The following PPFIA4 variants were observed in gnomAD, a reference collection of about 807,000 sequenced individuals.
The protein encoded by PPFIA4 is liprin-alpha-4.
Under a neutral mutation model 145.7 loss-of-function variants are expected in PPFIA4, and 98 were observed. The observed-to-expected ratio is 0.67, with a 90% CI of 0.57 to 0.80. The LOEUF is 0.80. Among genes scored for constraint, PPFIA4 ranks in the 30% least tolerant of loss-of-function variants. The probability of loss-of-function intolerance (pLI) is 0.00; values close to 1 mark genes in which losing one functional copy is unlikely to be tolerated. For synonymous variants in PPFIA4, 628 were observed against 649.6 expected, an observed-to-expected ratio of 0.97 and a Z score of 0.51; for missense variants, 1,457 against 1,632.7, an observed-to-expected ratio of 0.89 and a Z score of 1.85.
At chr1:203,050,745 G>A (rs1320662440) in intron 13 of PPFIA4, among the ~76,000 whole-genome samples, 2 of 152,148 alleles carry the variant, frequency 1.3e-5, no homozygotes, top group Non-Finnish European at 2.9e-5. Flanking sequence ...ATATGGGTAT[G>A]AAGGGAAGCA....
chr1:203,068,471 A>C lies in PPFIA4; in HGVS notation c.3167A>C (p.Asn1056Thr). The C allele has an allele frequency of 1.2e-6, 2 of 1,606,970 alleles. No individual in the cohort carries two copies. Among genetic ancestry groups the C allele is most frequent in the Non-Finnish European group, 1.7e-6 (2 of 1,177,050 alleles). ...ACTCCAGATGTGTTAGTCTGGACCA[A>C]CGACCAGGTGGTTCATTGGGTCCAG... ...HEIKDVLVWT[N>T]DQVVHWVQSI... Residue 1056 changes from asparagine (N) to threonine (T), a missense_variant, in exon 27 of 30, where the codon AAC (asparagine) becomes ACC (threonine). This residue lies in a region of PPFIA4 where 848 missense variants were observed against 1,046.7 expected (regional missense o/e 0.81). Transcript: ENST00000295706. This position sits in a 1 kb window ranked among gnomAD's most constrained non-coding sequence, Gnocchi z 4.7.
chr1:203,041,506 C>T (rs1659691668), intron 2 of PPFIA4, among the ~76,000 whole-genome samples: 1 of 152,166 alleles, frequency 6.6e-6, no homozygotes, highest in Non-Finnish European at 1.5e-5. Flanking sequence ...GTGGGAGGAT[C>T]GCCTGAGCCC....
At chr1:203,034,620 G>A (rs1659089450) in intron 1 of PPFIA4, 1 of 456,674 alleles carries the variant, frequency 2.2e-6, no homozygotes, top group South Asian at 1.5e-5. Context: ...TGGGAGCAGA[G>A]ATTTGGGTGC....
At chr1:203,045,636 C>G in intron 7 of PPFIA4, 77 bp downstream of exon 7, 1 of 1,474,612 alleles carries the variant, frequency 6.8e-7, no homozygotes, top group Non-Finnish European at 9.1e-7. Context: ...GGCTCTGGGG[C>G]GTGAGACTGA....
chr1:203,031,558 GACATTTT>G (rs1439172474), intron 1 of PPFIA4, among the ~76,000 whole-genome samples: 6 of 152,080 alleles, frequency 3.9e-5, no homozygotes, highest in African/African-American at 1.4e-4. Flanking sequence ...CTGTACTCTG[GACATTTT>G]ACACCTGGTG....
chr1:203,052,182 TGGG>T (rs1374644291), intron 14 of PPFIA4, among the ~76,000 whole-genome samples: 2 of 147,688 alleles, frequency 1.4e-5, no homozygotes, highest in African/African-American at 5.0e-5. Flanking sequence ...TGGTCGGGCG[TGGG>T]GGGTGGGGGA....
At chr1:203,072,028 A>G (rs1014148626) in intron 28 of PPFIA4, among the ~76,000 whole-genome samples, 1 of 152,160 alleles carries the variant, frequency 6.6e-6, no homozygotes, top group African/African-American at 2.4e-5. Flanking sequence ...AGCATCTTCC[A>G]ATTCTGTGCC....
intron 1 of PPFIA4, chr1:203,035,248 C>G (rs1462751650): frequency 2.2e-6 from 1 of 456,558 alleles, no homozygotes; most frequent in South Asian, 1.5e-5. Context: ...GCGGCCCTGC[C>G]CCGGGCTGTG....
chr1:203,038,870 T>G lies in PPFIA4; in HGVS notation c.-139T>G. On this transcript the variant is annotated 5_prime_UTR_variant, in exon 2 of 30. The change abolishes an upstream ATG in the 5' untranslated region. Transcript: ENST00000295706. ...TTCAGAGCAAAAGCAACTGATGCTATGGGAGAAGCCCCTGCCCACCTGTCC... is the reference window on the plus strand; with the variant it reads ...TTCAGAGCAAAAGCAACTGATGCTAGGGGAGAAGCCCCTGCCCACCTGTCC... The G allele has an allele frequency of 1.7e-6, 1 of 596,470 alleles. No individual in the cohort carries two copies. Among genetic ancestry groups the G allele is most frequent in the Non-Finnish European group, 3.0e-6 (1 of 334,784 alleles). The allele number at this position is 596,470 out of a possible 1,614,324, so 36.9% of individuals were successfully genotyped here.
rs776023262 is a variant in PPFIA4, at chr1:203,051,824, G to T, written c.1567G>T (p.Ala523Ser). ...GTTCTCCCTGGGCACAACCACACAC[G>T]CACCCCCAGGCGTGCATCGCCGCTA... The part of the protein sequence containing the change: ...VRFSLGTTTH[A>S]PPGVHRRYSA... Residue 523 changes from alanine (A) to serine (S), a missense_variant, in exon 14 of 30, where the codon GCA becomes TCA. Physicochemically the swap from Ala to Ser is moderately conservative, Grantham distance 99. Coordinates refer to ENST00000295706, the MANE Select transcript of PPFIA4 (RefSeq NM_001304331.2). 2 of 1,613,802 alleles carry T rather than the reference G, an allele frequency of 1.2e-6. No individual in the cohort carries two copies. The highest frequency in any genetic ancestry group is 1.7e-6 in the Non-Finnish European group (2 of 1,179,840).
intron 1 of PPFIA4, 130 bp downstream of exon 1, chr1:203,026,759 C>T (rs1690822): frequency 0.39 from 59,136 of 152,274 alleles, 11,889 homozygotes; most frequent in African/African-American, 0.46. Context: ...GTATGTGCTA[C>T]CTCCGGCAGG....
At position 203,055,472 on chromosome 1, in the gene PPFIA4, G is replaced by T; in HGVS notation, c.1870G>T (p.Glu624Ter). ...EEKESTELRA[E>*]EIETRVTSGS... ...GAAGGAGTCCACGGAGCTCCGCGCG[G>T]AGGAGATTGAGACGCGTGTAACCAG... Residue 624 changes from glutamate (E) to a stop codon, truncating the protein, a stop_gained, in exon 16 of 30, where the codon GAG becomes TAG. Coordinates refer to ENST00000295706, the MANE Select transcript of PPFIA4 (RefSeq NM_001304331.2). LOFTEE classifies it high-confidence loss of function. The surrounding 1 kb of genome is among the most constrained non-coding windows in gnomAD (Gnocchi z 4.8). 6.2e-7 allele frequency: 1 copy of T among 1,614,014 alleles called. No individual in the cohort carries two copies. The highest frequency in any genetic ancestry group is 8.5e-7 in the Non-Finnish European group (1 of 1,179,894).
intron 2 of PPFIA4, among the ~76,000 whole-genome samples, chr1:203,042,067 G>A (rs1659731710): frequency 6.6e-6 from 1 of 152,204 alleles, no homozygotes; most frequent in Non-Finnish European, 1.5e-5. Flanking sequence ...GATGAGAGGG[G>A]ATTGGGAGTT....
At chr1:203,032,445 G>GTTGT (rs1658920918) in intron 1 of PPFIA4, among the ~76,000 whole-genome samples, 1 of 82,928 alleles carries the variant, frequency 1.2e-5, no homozygotes, top group Non-Finnish European at 2.6e-5. Flanking sequence ...TGTTGTTGTT[G>GTTGT]TTTTTGAAAT....
intron 19 of PPFIA4, among the ~76,000 whole-genome samples, chr1:203,058,206 G>A (rs528165137): frequency 6.6e-6 from 1 of 152,148 alleles, no homozygotes; most frequent in South Asian, 2.1e-4. Flanking sequence ...TGGCTGAGGA[G>A]GAGGAGGAGG....
In PPFIA4 at chr1:203,048,449, G is replaced by C; in HGVS notation, c.1225-134G>C. 5.5e-6 allele frequency: 8 copies of C among 1,467,824 alleles called. No homozygotes were observed. Among genetic ancestry groups the C allele is most frequent in the Non-Finnish European group, 6.5e-6 (7 of 1,077,048 alleles). The allele number at this position is 1,467,824 out of a possible 1,614,324, so 90.9% of individuals were successfully genotyped here. On this transcript the variant is annotated intron_variant, in intron 10 of 29. Transcript: ENST00000295706. The surrounding 1 kb of genome is among the most constrained non-coding windows in gnomAD (Gnocchi z 5.8). ...AGTGGGAGGAGGCTGGCAGGTGAAG[G>C]GGGAGGTGGTCAGGAGACTGGAGAG... is the stretch of plus-strand genomic sequence containing the variant.
At chr1:203,072,640 A>G (rs1662251168) in intron 28 of PPFIA4, among the ~76,000 whole-genome samples, 1 of 152,090 alleles carries the variant, frequency 6.6e-6, no homozygotes, top group Non-Finnish European at 1.5e-5. Context: ...GAAAGCCCAG[A>G]GTGTGTGTGT....
Position 203,048,846 on chromosome 1 carries a change from T to A in PPFIA4, c.1357-72T>A. The A allele has an allele frequency of 6.5e-7, 1 of 1,536,100 alleles. No homozygotes were observed. The highest frequency in any genetic ancestry group is 8.8e-7 in the Non-Finnish European group (1 of 1,138,334). Reference sequence around the variant, plus strand: ...CAGCCTGGAGAGGTGGGGCTGAGACTGCACACCCAGAGGCTCAGGTCTGGA... The same window carrying A: ...CAGCCTGGAGAGGTGGGGCTGAGACAGCACACCCAGAGGCTCAGGTCTGGA... On this transcript the variant is annotated intron_variant, in intron 11 of 29. Transcript: ENST00000295706. The surrounding 1 kb of genome is among the most constrained non-coding windows in gnomAD (Gnocchi z 5.8).
At position 203,054,143 on chromosome 1, in the gene PPFIA4, A is replaced by G. The variant is rs540456333; in HGVS notation, c.1829+182A>G. 2.0e-4 allele frequency: 149 copies of G among 750,918 alleles called. No individual in the cohort carries two copies. In the East Asian group the frequency reaches 3.7e-3, roughly 19 times the overall value. 46.5% of individuals were successfully genotyped at this position (750,918 alleles called of 1,614,324 possible). On this transcript the variant is annotated intron_variant, in intron 15 of 29. Transcript: ENST00000295706. The stretch of plus-strand genomic sequence containing the variant: ...GCCGGAGTGAGAGGAGCAGGGCCTC[A>G]GTGGACTTCTCAGGCTTCACCTCCC...
Sources: allele counts gnomAD v4.1 joint callset (sites outside exome capture counted in the v4.1 genomes callset), GRCh38; gene constraint gnomAD v4.1.1; regional missense constraint gnomAD v4.1.1; non-coding constraint Gnocchi (gnomAD v3.1); transcripts MANE v1.5; gene names NCBI Gene and HGNC (gene_info 2026-07-23, HGNC 2026-07-21).